The following CDK10 variants were observed in gnomAD, a reference collection of about 807,000 sequenced individuals.
The protein encoded by CDK10 is cyclin dependent kinase 10.
A neutral mutation model predicts 51.0 loss-of-function variants in CDK10; 55 were observed. The ratio of observed to expected loss-of-function variants is 1.08; its 90% CI spans 0.87 to 1.35. The LOEUF is 1.35. Ranked by LOEUF, CDK10 falls within the 40% of genes most tolerant of loss-of-function variation. CDK10 has a pLI of 0.00. For synonymous variants in CDK10, 255 were observed against 199.1 expected (o/e 1.28, Z -2.36); for missense variants, 589 against 485.1 (o/e 1.21, Z -2.01).
rs1380834450 is a variant in CDK10 at position 89,694,229 on chromosome 16, TGTG to T, written c.668+1_668+3del. ...ACCACGCAGACCACCAGCATCGACATGTGGTGAGGAGATACGGTTACCGCTCCT... is the reference window on the plus strand; with the variant it reads ...ACCACGCAGACCACCAGCATCGACATGTGAGGAGATACGGTTACCGCTCCT... On this transcript the variant is annotated inframe_deletion and splice_region_variant, in exon 9 of 13. Transcript: ENST00000353379. 5 of 1,613,296 alleles carry T rather than the reference TGTG, an allele frequency of 3.1e-6. No homozygotes were observed. The East Asian group carries it at 6.7e-5, about 22-fold the overall frequency.
At chr16:89,694,304 G>A (rs2115400) in intron 9 of CDK10, 72 bp downstream of exon 9, 603,298 of 1,492,028 alleles carry the variant, frequency 0.4, 126,438 homozygotes, top group African/African-American at 0.6. Flanking sequence ...CCTGGTTCCT[G>A]AGCTCAGCCT....
At position 89,695,409 on chromosome 16, in the gene CDK10, TG is replaced by T. The variant is rs1334939984; in HGVS notation, c.985+67del. The T allele has an allele frequency of 5.2e-6, 8 of 1,551,680 alleles. No individual in the cohort carries two copies. The East Asian group carries it at 1.8e-4, about 35-fold the overall frequency. The stretch of plus-strand genomic sequence containing the variant: ...GGCTGGGAGCCCGTTTTGCCCGGGG[TG>T]GGTGGTGGAGAAGTGGCCTGCTGCC... On this transcript the variant is annotated intron_variant, in intron 12 of 12. Transcript: ENST00000353379.
At chr16:89,691,192 G>A (rs1045826041) in intron 3 of CDK10, among the ~76,000 whole-genome samples, 2 of 152,216 alleles carry the variant, frequency 1.3e-5, no homozygotes, top group Admixed American at 1.3e-4. Flanking sequence ...GGCTGAGGCA[G>A]GAGAATTGCT....
chr16:89,688,037 G>A (rs1166798830), intron 1 of CDK10, among the ~76,000 whole-genome samples: 2 of 151,170 alleles, frequency 1.3e-5, no homozygotes, highest in Non-Finnish European at 2.9e-5. Context: ...AGGGAAGCCG[G>A]GAAATGGGGG....
chr16:89,691,369 C>A (rs867929060), intron 3 of CDK10, 74 bp from the exon 4 acceptor site: 1 of 1,124,296 alleles, frequency 8.9e-7, no homozygotes, highest in Non-Finnish European at 1.3e-6. Flanking sequence ...GTTCGTGAAG[C>A]CCAAGAGTGG....
At position 89,695,652 on chromosome 16, in the gene CDK10, C is replaced by G. The variant is rs370511293; in HGVS notation, c.1043C>G (p.Pro348Arg). Residue 348 changes from proline to arginine, a missense_variant, in exon 13 of 13, where the codon CCA (proline) becomes CGA (arginine). Pro to Arg is a moderately radical substitution (Grantham distance 103, BLOSUM62 -2). Transcript: ENST00000353379. ...CACCACCGCAACAAGCGGGCCGCCC[C>G]AGCCACCTCCGAGGGCCAGAGCAAG... The part of the protein sequence containing the change: ...FPHHRNKRAA[P>R]ATSEGQSKRC... 1 of 1,604,248 alleles carries G rather than the reference C, an allele frequency of 6.2e-7. No individual in the cohort carries two copies.
chr16:89,694,309 C>T (rs1198807015), intron 9 of CDK10, 77 bp downstream of exon 9: 9 of 1,441,080 alleles, frequency 6.2e-6, no homozygotes, highest in Non-Finnish European at 8.7e-6. Flanking sequence ...TTCCTGAGCT[C>T]AGCCTCAGGG....
rs553335186 is a variant in CDK10 at position 89,696,062 on chromosome 16, G to C, written c.*370G>C. On this transcript the variant is annotated 3_prime_UTR_variant, in exon 13 of 13. Transcript: ENST00000353379. ...TTGAGTTGTGGTGGACGCTGGCCTG[G>C]GATGAGAGGGCCCAGAAGACCTTCG... 502 of 556,462 alleles carry C rather than the reference G, an allele frequency of 9.0e-4. 2 individuals carry two copies. The highest frequency in any genetic ancestry group is 8.5e-3 in the African/African-American group (448 of 53,004). 34.5% of individuals were successfully genotyped at this position (556,462 alleles called of 1,614,324 possible). A position where few individuals can be genotyped will look rare whatever the true frequency, so the allele number is the denominator to read the frequency against.
At chr16:89,691,992 C>T in intron 5 of CDK10, 105 bp downstream of exon 5, 1 of 859,810 alleles carries the variant, frequency 1.2e-6, no homozygotes, top group African/African-American at 1.7e-5. Flanking sequence ...GCTGCTGCTG[C>T]CTCTGCCTCC....
At chr16:89,693,682 G>A in intron 8 of CDK10, 1 of 597,014 alleles carries the variant, frequency 1.7e-6, no homozygotes, top group Non-Finnish European at 3.0e-6. Flanking sequence ...TCAAGGGCCT[G>A]CCTAGATCAG....
chr16:89,691,600 A>G, intron 4 of CDK10, 55 bp downstream of exon 4: 2 of 1,473,686 alleles, frequency 1.4e-6, no homozygotes, highest in South Asian at 2.3e-5. Flanking sequence ...GTCTTGGGCT[A>G]GAGGTGTTGC....
At chr16:89,689,585 A>C (rs923379449) in intron 2 of CDK10, 10 of 439,138 alleles carry the variant, frequency 2.3e-5, no homozygotes, top group African/African-American at 2.0e-4. Flanking sequence ...CTGTTAGAGA[A>C]ATAAAATACA....
chr16:89,687,097 T>C (rs1431188869), intron 1 of CDK10: 6 of 274,222 alleles, frequency 2.2e-5, no homozygotes, highest in East Asian at 6.7e-5. Flanking sequence ...CGCTGCTGGG[T>C]TCAGCGCCCG....
Position 89,692,502 on chromosome 16 carries a change from C to T in CDK10, c.471C>T (p.Asn157=). Residue 157 remains asparagine (N), a synonymous_variant, in exon 6 of 13, where the codon AAC becomes AAT. Coordinates refer to ENST00000353379, the MANE Select transcript of CDK10 (RefSeq NM_052988.5). ...VLRGLQYLHR[N]FIIHRDLKVS... is the part of the protein sequence containing the mutation. ...GGGGCCTCCAGTATCTGCACAGGAA[C>T]TTCATTATCCACAGGTGGGTGACAG... The T allele has an allele frequency of 6.3e-7, 1 of 1,593,862 alleles. No homozygotes were observed. The highest frequency in any genetic ancestry group is 8.5e-7 in the Non-Finnish European group (1 of 1,170,000).
At chr16:89,689,511 GT>G in intron 2 of CDK10, 187 bp downstream of exon 2, 1 of 597,788 alleles carries the variant, frequency 1.7e-6, no homozygotes, top group Non-Finnish European at 3.1e-6. Context: ...CCATTTCTGG[GT>G]AAACGTAAGC....
chr16:89,690,720 G>A (rs979922843), intron 3 of CDK10, 96 bp downstream of exon 3: 8 of 1,107,486 alleles, frequency 7.2e-6, no homozygotes, highest in African/African-American at 4.6e-5. Flanking sequence ...CACGGTGCTT[G>A]TAGCGGGGGC....
At chr16:89,694,851 C>A (rs2060632797) in intron 10 of CDK10, 63 bp downstream of exon 10, 1 of 1,517,656 alleles carries the variant, frequency 6.6e-7, no homozygotes, top group South Asian at 1.2e-5. Context: ...CCCGCAGCCC[C>A]CGCCCGTGCC....
chr16:89,692,184 C>T (rs554174542), intron 5 of CDK10: 7 of 516,618 alleles, frequency 1.4e-5, no homozygotes, highest in South Asian at 2.3e-5. Context: ...CTGCTGGGAG[C>T]GGGGAGCCCT....
chr16:89,691,801 TC>T lies in CDK10; in HGVS notation c.336-3del. The stretch of plus-strand genomic sequence containing the variant: ...AGAGTGGCATGCATCTTCTGTTTCT[TC>T]CAGCATCTTCCTGGTGATGGGTTAC... On this transcript the variant is annotated splice_polypyrimidine_tract_variant and splice_region_variant and intron_variant, in intron 4 of 12. Transcript: ENST00000353379. 6.2e-7 allele frequency: 1 copy of T among 1,613,708 alleles called. No individual in the cohort carries two copies. Among genetic ancestry groups the T allele is most frequent in the Non-Finnish European group, 8.5e-7 (1 of 1,179,702 alleles).
Sources: gnomAD v4.1 joint callset for allele counts (sites outside exome capture counted in the v4.1 genomes callset) on GRCh38, gnomAD v4.1.1 for gene constraint, MANE v1.5 for transcripts, NCBI Gene and HGNC (gene_info 2026-07-23, HGNC 2026-07-21) for gene names.